Variants in CECR2 observed in about 807,000 individuals in gnomAD.
CECR2 encodes the protein chromatin remodeling regulator CECR2.
A neutral mutation model predicts 154.5 loss-of-function variants in CECR2; 30 were observed. The observed-to-expected ratio is 0.19, with a 90% CI of 0.15 to 0.26. The LOEUF is 0.26. Ranked by LOEUF, CECR2 falls within the 10% of genes least tolerant of loss-of-function variation. The pLI, the probability that CECR2 is intolerant of heterozygous loss-of-function variation, is 1.00. For synonymous variants in CECR2, 725 were observed against 683.7 expected, an observed-to-expected ratio of 1.06 and a Z score of -0.94; for missense variants, 1,743 against 1,829.3, an observed-to-expected ratio of 0.95 and a Z score of 0.86.
chr22:17,445,591 A>ATTATT (rs2054649150), intron 1 of CECR2, among the ~76,000 whole-genome samples: 1 of 135,644 alleles, frequency 7.4e-6, no homozygotes, highest in Admixed American at 7.4e-5. Context: ...TATTATTATT[A>ATTATT]TTTGAGGCAG....
intron 2 of CECR2, among the ~76,000 whole-genome samples, chr22:17,488,131 C>G (rs189758585): frequency 2.0e-4 from 31 of 152,318 alleles, no homozygotes; most frequent in East Asian, 5.8e-4. Flanking sequence ...ATCTGCCCCC[C>G]CTTGGCCTCC....
At chr22:17,412,621 A>G (rs1328285021) in intron 1 of CECR2, among the ~76,000 whole-genome samples, 1 of 152,176 alleles carries the variant, frequency 6.6e-6, no homozygotes, top group Non-Finnish European at 1.5e-5. Flanking sequence ...GACAAGGTGG[A>G]GAACCCTCTT....
At chr22:17,461,384 T>TCTGTTTGAAAGACAGAATA (rs2054935387) in intron 1 of CECR2, among the ~76,000 whole-genome samples, 1 of 152,182 alleles carries the variant, frequency 6.6e-6, no homozygotes, top group Non-Finnish European at 1.5e-5. Flanking sequence ...CAAGTCCCAT[T>TCTGTTTGAAAGACAGAATA]CTCTTTCAAG....
chr22:17,478,806 G>A (rs1192838887), intron 2 of CECR2, among the ~76,000 whole-genome samples: 4 of 152,188 alleles, frequency 2.6e-5, no homozygotes, highest in African/African-American at 9.7e-5. Context: ...CTAGGGGAGA[G>A]TTATTGCTCG....
chr22:17,513,977 A>G (rs552239390), intron 8 of CECR2, among the ~76,000 whole-genome samples: 1 of 152,366 alleles, frequency 6.6e-6, no homozygotes, highest in East Asian at 1.9e-4. Context: ...CAGTTCGAAC[A>G]AAAAGAAACC....
At chr22:17,360,554 G>A (rs780502178) in intron 1 of CECR2, among the ~76,000 whole-genome samples, 10 of 152,020 alleles carry the variant, frequency 6.6e-5, no homozygotes, top group Non-Finnish European at 1.3e-4. Flanking sequence ...ATGGTGGCTC[G>A]TAATCCCAGC....
intron 1 of CECR2, among the ~76,000 whole-genome samples, chr22:17,476,742 A>G (rs2055214122): frequency 6.6e-6 from 1 of 152,206 alleles, no homozygotes; most frequent in Non-Finnish European, 1.5e-5. Flanking sequence ...CATGCAGAAG[A>G]TTGCATCCTG....
chr22:17,479,474 A>G (rs2055267833), intron 2 of CECR2, among the ~76,000 whole-genome samples: 2 of 152,206 alleles, frequency 1.3e-5, no homozygotes, highest in Non-Finnish European at 2.9e-5. Flanking sequence ...TAAAAATACA[A>G]CATATTAACA....
At chr22:17,495,861 CAAA>C (rs10558473) in intron 2 of CECR2, among the ~76,000 whole-genome samples, 16 of 67,214 alleles carry the variant, frequency 2.4e-4, no homozygotes, top group African/African-American at 5.4e-4. Flanking sequence ...GACTCTGTCT[CAAA>C]AAAAAAAAAA....
intron 1 of CECR2, among the ~76,000 whole-genome samples, chr22:17,444,410 TA>T (rs1437845410): frequency 5.9e-5 from 9 of 152,074 alleles, no homozygotes; most frequent in African/African-American, 2.2e-4. Context: ...GCAGATCAGT[TA>T]AGGTCAGGAG....
intron 1 of CECR2, among the ~76,000 whole-genome samples, chr22:17,401,287 T>TA (rs1194634633): frequency 1.3e-5 from 2 of 152,146 alleles, no homozygotes; most frequent in African/African-American, 4.8e-5. Flanking sequence ...CAACTTATTT[T>TA]AAAAAACAGC....
intron 1 of CECR2, among the ~76,000 whole-genome samples, chr22:17,393,200 G>A (rs1375900925): frequency 6.6e-6 from 1 of 152,078 alleles, no homozygotes; most frequent in Non-Finnish European, 1.5e-5. Context: ...TGTTTCCCCA[G>A]CCTAAGCAAA....
At chr22:17,487,649 G>A (rs186458417) in intron 2 of CECR2, among the ~76,000 whole-genome samples, 1 of 152,244 alleles carries the variant, frequency 6.6e-6, no homozygotes, top group East Asian at 1.9e-4. Flanking sequence ...CCGAGATCGC[G>A]CCATGCACAA....
chr22:17,404,121 TC>T (rs1413767190), intron 1 of CECR2, among the ~76,000 whole-genome samples: 23 of 151,264 alleles, frequency 1.5e-4, no homozygotes, highest in African/African-American at 3.9e-4. Context: ...TAGCCGGGCG[TC>T]ATGTTGCACG....
chr22:17,369,309 G>GCCCCGCC (rs888840886), upstream of CECR2: 1 of 151,184 alleles, frequency 6.6e-6, no homozygotes, highest in African/African-American at 2.4e-5. Flanking sequence ...GGGGGCGCGC[G>GCCCCGCC]CCCCGCCCCT....
Position 17,375,958 on chromosome 22 carries a change from T to C in CECR2, c.126+6049T>C, listed in dbSNP as rs1278378405. The stretch of plus-strand genomic sequence containing the variant: ...CAACAGAGCGAGAGGGAGACTCTTA[T>C]CTAAAAAAAAAAAAAAATAGTCCTT... On this transcript the variant is annotated intron_variant, in intron 1 of 18. Transcript: ENST00000262608. 4.8e-5 allele frequency among the ~76,000 whole-genome samples: 7 copies of C among 146,432 alleles called. No homozygotes were observed. In the South Asian group the frequency reaches 6.4e-4, roughly 13 times the overall value.
At chr22:17,481,342 CAAA>C (rs10714119) in intron 2 of CECR2, among the ~76,000 whole-genome samples, 48 of 73,746 alleles carry the variant, frequency 6.5e-4, no homozygotes, top group African/African-American at 2.1e-3. Flanking sequence ...GACTCTGTCT[CAAA>C]AAAAAAAAAA....
At chr22:17,546,348 TG>T in intron 16 of CECR2, among the ~76,000 whole-genome samples, 1 of 151,910 alleles carries the variant, frequency 6.6e-6, no homozygotes, top group African/African-American at 2.4e-5. Flanking sequence ...TTAGCCAGCA[TG>T]GTGTCGGGCG....
At chr22:17,496,240 G>A (rs2055625179) in intron 2 of CECR2, among the ~76,000 whole-genome samples, 1 of 152,144 alleles carries the variant, frequency 6.6e-6, no homozygotes, top group Admixed American at 6.5e-5. Context: ...GCTCACGCCT[G>A]TAATCCCAGC....
Sources: gnomAD v4.1 joint callset for allele counts (sites outside exome capture counted in the v4.1 genomes callset) on GRCh38, gnomAD v4.1.1 for gene constraint, MANE v1.5 for transcripts, NCBI Gene and HGNC (gene_info 2026-07-23, HGNC 2026-07-21) for gene names.